The following HYDIN variants were observed in gnomAD, a reference collection of about 807,000 sequenced individuals.
HYDIN encodes the protein axonemal central pair apparatus protein HYDIN.
In HYDIN, 132 loss-of-function variants were observed where a neutral mutation model predicts 403.9. The ratio of observed to expected loss-of-function variants is 0.33; its 90% CI spans 0.28 to 0.38. HYDIN has a LOEUF of 0.38. Ranked by LOEUF, HYDIN falls within the 10% of genes least tolerant of loss-of-function variation. The pLI is 1.00. For synonymous variants in HYDIN, 1,202 were observed against 1,891.7 expected, an observed-to-expected ratio of 0.64 and a Z score of 9.46; for missense variants, 2,827 against 5,009.5, an observed-to-expected ratio of 0.56 and a Z score of 13.15.
chr16:70,880,880 TGGA>T (rs2040753805), intron 60 of HYDIN, among the ~76,000 whole-genome samples: 2 of 152,098 alleles, frequency 1.3e-5, no homozygotes, highest in African/African-American at 4.8e-5. Flanking sequence ...CAAACTAGGG[TGGA>T]GGAGAACATG....
intron 76 of HYDIN, among the ~76,000 whole-genome samples, chr16:70,838,344 C>G (rs1386873246): frequency 1.3e-5 from 2 of 152,008 alleles, no homozygotes; most frequent in Non-Finnish European, 2.9e-5. Context: ...GTGCATACCA[C>G]TGTGCCCAAC....
intron 83 of HYDIN, among the ~76,000 whole-genome samples, chr16:70,826,451 G>A (rs1315944433): frequency 6.6e-6 from 1 of 151,930 alleles, no homozygotes; most frequent in East Asian, 1.9e-4. Context: ...TCCCTTTGGG[G>A]ATATAAATAA....
chr16:70,868,709 A>G lies in HYDIN; in HGVS notation c.11171T>C (p.Met3724Thr). Reference protein sequence around the residue: ...KSDVPINLKNMRIRCKLSRIM... With the variant: ...KSDVPINLKNTRIRCKLSRIM... Reference sequence around the variant, plus strand: ...CCTGGAGAGCTTGCACCTGATCCGCATATTCTTTAGGTTGATGGGTACATC... The same window carrying G: ...CCTGGAGAGCTTGCACCTGATCCGCGTATTCTTTAGGTTGATGGGTACATC... The change falls in exon 66 of 86, where the codon ATG becomes ACG. Residue 3724 changes from methionine (M) to threonine (T), a missense_variant. Met to Thr is a moderately conservative substitution (Grantham distance 81). Transcript: ENST00000393567. 6.2e-7 allele frequency: 1 copy of G among 1,614,132 alleles called. No individual in the cohort carries two copies. Among genetic ancestry groups the G allele is most frequent in the South Asian group, 1.1e-5 (1 of 91,062 alleles).
intron 62 of HYDIN, among the ~76,000 whole-genome samples, chr16:70,878,228 C>T (rs576420647): frequency 8.0e-5 from 12 of 150,648 alleles, no homozygotes; most frequent in Admixed American, 3.3e-4. Flanking sequence ...CCTGCCACCA[C>T]GTAAGACATG....
chr16:71,001,896 C>G (rs1480511658), intron 23 of HYDIN, among the ~76,000 whole-genome samples: 1 of 152,222 alleles, frequency 6.6e-6, no homozygotes, highest in East Asian at 1.9e-4. Flanking sequence ...TTTGTCCAAT[C>G]TGGTGGGTAT....
At chr16:70,834,275 C>G (rs980919617) in intron 78 of HYDIN, 111 bp from the exon 79 acceptor site, 3 of 649,508 alleles carry the variant, frequency 4.6e-6, no homozygotes, top group South Asian at 3.7e-5. Context: ...CTCACTCCTG[C>G]TCTCCCATCA....
At chr16:71,089,712 T>C (rs1397081473) in intron 11 of HYDIN, among the ~76,000 whole-genome samples, 2 of 152,104 alleles carry the variant, frequency 1.3e-5, no homozygotes, top group Non-Finnish European at 2.9e-5. Flanking sequence ...AGGACAAATA[T>C]TTAGGGAATT....
At chr16:71,178,383 C>A (rs1472330109) in intron 4 of HYDIN, among the ~76,000 whole-genome samples, 1 of 146,534 alleles carries the variant, frequency 6.8e-6, no homozygotes, top group Non-Finnish European at 1.5e-5. Context: ...CGTACCATTG[C>A]ACTCCAGCCT....
chr16:71,219,038 T>C (rs2089046567), intron 1 of HYDIN, among the ~76,000 whole-genome samples: 1 of 152,196 alleles, frequency 6.6e-6, no homozygotes, highest in Non-Finnish European at 1.5e-5. Context: ...CAGACATCAA[T>C]AAAAATAGCT....
At chr16:71,156,610 T>C (rs942748725) in intron 6 of HYDIN, among the ~76,000 whole-genome samples, 2 of 152,124 alleles carry the variant, frequency 1.3e-5, no homozygotes, top group East Asian at 1.9e-4. Context: ...TGAGAAAGAT[T>C]TGAGTTTTTG....
intron 25 of HYDIN, among the ~76,000 whole-genome samples, chr16:70,990,158 G>A (rs552640253): frequency 3.3e-5 from 5 of 152,044 alleles, no homozygotes; most frequent in South Asian, 4.2e-4. Flanking sequence ...GACTTTGGGA[G>A]GCTGAGGCAG....
chr16:71,072,511 A>C (rs2082498740), intron 13 of HYDIN, among the ~76,000 whole-genome samples: 1 of 152,260 alleles, frequency 6.6e-6, no homozygotes, highest in African/African-American at 2.4e-5. Context: ...AAGAGTTAAA[A>C]AGAATTTTAT....
intron 4 of HYDIN, 106 bp downstream of exon 4, chr16:71,178,822 T>C: frequency 2.2e-6 from 2 of 913,200 alleles, no homozygotes; most frequent in Non-Finnish European, 3.3e-6. Context: ...TTTTCCTAAG[T>C]CTATCAAATT....
rs2078031815 is a variant in HYDIN at position 70,950,493 on chromosome 16, A to T, written c.6531+1928T>A. 4.0e-5 allele frequency among the ~76,000 whole-genome samples: 6 copies of T among 151,724 alleles called. No homozygotes were observed. In the South Asian group the frequency reaches 1.3e-3, roughly 32 times the overall value. On this transcript the variant is annotated intron_variant, in intron 41 of 85. Coordinates refer to ENST00000393567, the MANE Select transcript of HYDIN (RefSeq NM_001270974.2). ...GGCTGGCCTTGAACTCCTGGCCTAA[A>T]GTGATCCACCCACCTCAGCCTCCCG...
chr16:70,954,716 T>G (rs2078179237), intron 40 of HYDIN, among the ~76,000 whole-genome samples: 1 of 152,210 alleles, frequency 6.6e-6, no homozygotes, highest in Admixed American at 6.5e-5. Flanking sequence ...CACTATCGCT[T>G]CCTTTACATG....
At chr16:70,842,339 A>C (rs1399075166) in intron 75 of HYDIN, among the ~76,000 whole-genome samples, 1 of 152,040 alleles carries the variant, frequency 6.6e-6, no homozygotes, top group East Asian at 1.9e-4. Context: ...CAATTCTGTC[A>C]GTTTTGTTTC....
chr16:70,860,215 G>T lies in HYDIN; in HGVS notation c.11991-9C>A, dbSNP rs1291287665. 6.2e-7 allele frequency: 1 copy of T among 1,610,044 alleles called. No individual in the cohort carries two copies. Among genetic ancestry groups the T allele is most frequent in the Non-Finnish European group, 8.5e-7 (1 of 1,178,752 alleles). On this transcript the variant is annotated splice_polypyrimidine_tract_variant and intron_variant, in intron 70 of 85. Transcript: ENST00000393567. ...TTAGGATGGTAAAGGTCCTGGCCAG[G>T]GTGGAGAGAATTGACAGAAGAGAGT...
chr16:71,135,923 T>TG (rs149656264), intron 8 of HYDIN, among the ~76,000 whole-genome samples: 5 of 150,754 alleles, frequency 3.3e-5, no homozygotes, highest in Admixed American at 6.6e-5. Context: ...GACTGCACAC[T>TG]GGGGGGGTTC....
chr16:70,872,229 G>T, intron 64 of HYDIN, 50 bp from the exon 65 acceptor site: 1 of 796,574 alleles, frequency 1.3e-6, no homozygotes, highest in Non-Finnish European at 1.9e-6. Context: ...CTCCCCTGAG[G>T]GCCTGCTGCC....
Sources: gnomAD v4.1 joint callset for allele counts (sites outside exome capture counted in the v4.1 genomes callset) on GRCh38, gnomAD v4.1.1 for gene constraint, MANE v1.5 for transcripts, NCBI Gene and HGNC (gene_info 2026-07-23, HGNC 2026-07-21) for gene names.